SEMA3E: variants seen among roughly 807,000 people sequenced by gnomAD.
SEMA3E encodes semaphorin-3E.
In SEMA3E, 49 loss-of-function variants were observed where a neutral mutation model predicts 93.6. That is an observed-to-expected ratio of 0.52 (90% CI 0.42 to 0.66). The LOEUF (loss-of-function observed/expected upper bound fraction) is 0.66, where lower values mean the gene tolerates loss of function less well. SEMA3E is among the 30% of genes least tolerant of loss of function. The pLI, the probability that SEMA3E is intolerant of heterozygous loss-of-function variation, is 0.00. For synonymous variants in SEMA3E, 363 were observed against 330.7 expected, an observed-to-expected ratio of 1.10 and a Z score of -1.06; for missense variants, 906 against 964.8, an observed-to-expected ratio of 0.94 and a Z score of 0.81.
At chr7:83,581,658 G>A (rs1007556241) in intron 1 of SEMA3E, among the ~76,000 whole-genome samples, 4 of 151,872 alleles carry the variant, frequency 2.6e-5, no homozygotes, top group African/African-American at 9.7e-5. Context: ...GGTATAAAAC[G>A]ACATCACATA....
chr7:83,453,398 A>G (rs575519666), intron 4 of SEMA3E, among the ~76,000 whole-genome samples: 1 of 146,620 alleles, frequency 6.8e-6, no homozygotes, highest in African/African-American at 2.5e-5. Context: ...TCCAATGCGT[A>G]AAATAATCCC....
intron 1 of SEMA3E, among the ~76,000 whole-genome samples, chr7:83,570,938 G>T (rs2115868780): frequency 1.3e-5 from 2 of 151,550 alleles, no homozygotes; most frequent in African/African-American, 4.8e-5. Flanking sequence ...ACACAAATTA[G>T]AAAATCTAGA....
At chr7:83,412,212 T>C (rs1195010353) in intron 5 of SEMA3E, among the ~76,000 whole-genome samples, 1 of 152,140 alleles carries the variant, frequency 6.6e-6, no homozygotes, top group Non-Finnish European at 1.5e-5. Flanking sequence ...TGGCCAAACT[T>C]TTTTAGTGTA....
intron 2 of SEMA3E, among the ~76,000 whole-genome samples, chr7:83,470,872 T>A (rs1475559207): frequency 1.0e-3 from 152 of 151,232 alleles, no homozygotes; most frequent in South Asian, 9.4e-3. Context: ...CTTTTTTTTT[T>A]TTTTTTGGAT....
chr7:83,610,868 A>G (rs1332035031), intron 1 of SEMA3E, among the ~76,000 whole-genome samples: 2 of 152,012 alleles, frequency 1.3e-5, no homozygotes, highest in African/African-American at 4.8e-5. Context: ...GAGAAAATCA[A>G]ATTCAGTTGT....
chr7:83,577,815 T>C (rs1241446826), intron 1 of SEMA3E, among the ~76,000 whole-genome samples: 1 of 152,052 alleles, frequency 6.6e-6, no homozygotes, highest in Non-Finnish European at 1.5e-5. Flanking sequence ...ATTCAGAATA[T>C]TGAAAGTAAT....
At chr7:83,412,761 T>TAA (rs35717519) in intron 5 of SEMA3E, among the ~76,000 whole-genome samples, 4,587 of 143,502 alleles carry the variant, frequency 0.032, 255 homozygotes, top group African/African-American at 0.12. Context: ...TAAAAAAAGA[T>TAA]AAAAAAAAAA....
chr7:83,498,310 CTGTATA>C (rs1790531964), intron 1 of SEMA3E, among the ~76,000 whole-genome samples: 2 of 152,090 alleles, frequency 1.3e-5, no homozygotes, highest in Non-Finnish European at 2.9e-5. Context: ...CAAGCATCAG[CTGTATA>C]TTGAACATCC....
intron 1 of SEMA3E, among the ~76,000 whole-genome samples, chr7:83,613,125 T>C (rs1468183937): frequency 6.6e-6 from 1 of 152,056 alleles, no homozygotes; most frequent in Non-Finnish European, 1.5e-5. Context: ...ATAGTAGATA[T>C]TTTATGAAAA....
chr7:83,495,096 G>A (rs1790462090), intron 1 of SEMA3E, among the ~76,000 whole-genome samples: 1 of 151,808 alleles, frequency 6.6e-6, no homozygotes, highest in Admixed American at 6.6e-5. Context: ...GTTACAATCT[G>A]TATTTCTGCT....
chr7:83,540,565 T>TA (rs1372623453), intron 1 of SEMA3E, among the ~76,000 whole-genome samples: 1 of 152,216 alleles, frequency 6.6e-6, no homozygotes, highest in Admixed American at 6.5e-5. Context: ...TAGATATGAA[T>TA]ATTAATGTCC....
chr7:83,414,416 A>C (rs1252678339), intron 5 of SEMA3E, among the ~76,000 whole-genome samples: 1 of 152,072 alleles, frequency 6.6e-6, no homozygotes, highest in Non-Finnish European at 1.5e-5. Context: ...TCTAACTCCC[A>C]TTCATTCAAT....
intron 1 of SEMA3E, among the ~76,000 whole-genome samples, chr7:83,625,285 A>T (rs964081462): frequency 6.6e-6 from 1 of 152,180 alleles, no homozygotes; most frequent in Non-Finnish European, 1.5e-5. Flanking sequence ...CTTGATGGGG[A>T]TAGCATTGAA....
At chr7:83,510,407 C>G (rs961172886) in intron 1 of SEMA3E, among the ~76,000 whole-genome samples, 1 of 152,104 alleles carries the variant, frequency 6.6e-6, no homozygotes, top group Admixed American at 6.6e-5. Flanking sequence ...TCTCATATTT[C>G]TAGAGGTTTC....
intron 4 of SEMA3E, among the ~76,000 whole-genome samples, chr7:83,421,133 T>A (rs1788663092): frequency 7.0e-6 from 1 of 142,564 alleles, no homozygotes; most frequent in South Asian, 2.3e-4. Context: ...ATTTTTTTAA[T>A]AGTTTGGAAA....
chr7:83,638,608 G>C (rs774387808), intron 1 of SEMA3E, among the ~76,000 whole-genome samples: 1 of 152,092 alleles, frequency 6.6e-6, no homozygotes, highest in Admixed American at 6.5e-5. Flanking sequence ...AATATAGTTA[G>C]ATATCTATGA....
intron 1 of SEMA3E, among the ~76,000 whole-genome samples, chr7:83,633,103 T>G (rs2115680093): frequency 6.6e-6 from 1 of 152,294 alleles, no homozygotes; most frequent in East Asian, 1.9e-4. Context: ...CATAGGTTGA[T>G]TTTAATTCCC....
chr7:83,400,583 C>A (rs1358847033), intron 10 of SEMA3E, among the ~76,000 whole-genome samples: 1 of 151,958 alleles, frequency 6.6e-6, no homozygotes, highest in Non-Finnish European at 1.5e-5. Flanking sequence ...TGTTATTCCC[C>A]TCTTTATGTC....
intron 3 of SEMA3E, among the ~76,000 whole-genome samples, chr7:83,467,501 G>A (rs2723015): frequency 0.44 from 66,962 of 152,008 alleles, 16,202 homozygotes; most frequent in East Asian, 0.66. Context: ...TTACTATATT[G>A]CTGTAAGAAA....
Sources: gnomAD v4.1 joint callset for allele counts (sites outside exome capture counted in the v4.1 genomes callset) on GRCh38, gnomAD v4.1.1 for gene constraint, MANE v1.5 for transcripts, NCBI Gene and HGNC (gene_info 2026-07-23, HGNC 2026-07-21) for gene names.